The following AGRN variants were observed in gnomAD, a reference collection of about 807,000 sequenced individuals.
AGRN encodes agrin, also known as agrin proteoglycan.
A neutral mutation model predicts 211.0 loss-of-function variants in AGRN; 106 were observed. The observed-to-expected ratio is 0.50, with a 90% CI of 0.43 to 0.59. The LOEUF (loss-of-function observed/expected upper bound fraction) is 0.59, where lower values mean the gene tolerates loss of function less well. Among genes scored for constraint, AGRN ranks in the 20% least tolerant of loss-of-function variants. The pLI is 0.00. For synonymous variants in AGRN, 1,525 were observed against 1,332.5 expected, an observed-to-expected ratio of 1.14 and a Z score of -3.15; for missense variants, 3,040 against 2,982.6, an observed-to-expected ratio of 1.02 and a Z score of -0.45.
intron 34 of AGRN, 85 bp downstream of exon 34, chr1:1,054,062 C>G: frequency 1.4e-6 from 2 of 1,426,324 alleles, no homozygotes; most frequent in Non-Finnish European, 9.6e-7. Flanking sequence ...CACTTGTGAC[C>G]AGGGGTCAGG....
chr1:1,053,801 G>T lies in AGRN; in HGVS notation c.5700G>T (p.Glu1900Asp). The T allele has an allele frequency of 6.2e-7, 1 of 1,611,068 alleles. No individual in the cohort carries two copies. Among genetic ancestry groups the T allele is most frequent in the Non-Finnish European group, 8.5e-7 (1 of 1,179,304 alleles). ...SNHFELSLRT[E>D]ATQGLVLWSG... Reference sequence around the variant, plus strand: ...ACTTTGAACTGAGCCTGCGCACTGAGGCCACGCAGGGGCTGGTGCTCTGGA... The same window carrying T: ...ACTTTGAACTGAGCCTGCGCACTGATGCCACGCAGGGGCTGGTGCTCTGGA... Residue 1900 changes from glutamate to aspartate, a missense_variant, in exon 34 of 36, where the codon GAG becomes GAT. Transcript: ENST00000379370.
At chr1:1,033,475 C>T (rs1362492939) in intron 2 of AGRN, among the ~76,000 whole-genome samples, 5 of 151,624 alleles carry the variant, frequency 3.3e-5, no homozygotes, top group Non-Finnish European at 5.9e-5. Context: ...GCTCCTGCTC[C>T]CCAGGCGCTT....
intron 28 of AGRN, 22 bp from the exon 29 acceptor site, chr1:1,050,405 C>A (rs1250052251): frequency 2.5e-6 from 4 of 1,612,614 alleles, no homozygotes; most frequent in African/African-American, 2.7e-5. Context: ...AGCAAAGACA[C>A]CCCGACTCCC....
rs544603129 is a variant in AGRN at position 1,028,225 on chromosome 1, C to T, written c.463+5763C>T. On this transcript the variant is annotated intron_variant, in intron 2 of 35. Transcript: ENST00000379370. ...GCGGAAGAGAGGGCTGGGGCGCAGT[C>T]GTCAGCTGCCGTGACCCCACAGCTG... 2.8e-4 allele frequency among the ~76,000 whole-genome samples: 42 copies of T among 151,916 alleles called. No individual in the cohort carries two copies. The South Asian group carries it at 7.5e-3, about 27-fold the overall frequency.
chr1:1,045,483 C>G lies in AGRN; in HGVS notation c.2496C>G (p.Asn832Lys), dbSNP rs142252759. 5.3e-5 allele frequency: 86 copies of G among 1,613,000 alleles called. No homozygotes were observed. In the African/African-American group the frequency reaches 1.1e-3, roughly 20 times the overall value. The change falls in exon 14 of 36, where the codon AAC becomes AAG. Residue 832 changes from asparagine to lysine, a missense_variant. Transcript: ENST00000379370. Reference sequence around the variant, plus strand: ...ACCGCTGTGAGCCTGGCTTCTGGAACTTTCGAGGCATCGTCACCGATGGCC... The same window carrying G: ...ACCGCTGTGAGCCTGGCTTCTGGAAGTTTCGAGGCATCGTCACCGATGGCC... ...RCDRCEPGFW[N>K]FRGIVTDGRS...
chr1:1,049,961 G>C lies in AGRN; in HGVS notation c.4803G>C (p.Ala1601=). ...PCQPNPCHGA[A]PCRVLPEGGA... ...AGCCCAACCCCTGCCATGGGGCGGCGCCCTGCCGTGTGCTGCCCGAGGGTG... is the reference window on the plus strand; with the variant it reads ...AGCCCAACCCCTGCCATGGGGCGGCCCCCTGCCGTGTGCTGCCCGAGGGTG... The change falls in exon 27 of 36, where the codon GCG becomes GCC. Residue 1601 remains alanine (A), a synonymous_variant. Transcript: ENST00000379370. 1 of 1,612,032 alleles carries C rather than the reference G, an allele frequency of 6.2e-7. No individual in the cohort carries two copies.
In AGRN at chr1:1,050,520, C is replaced by T. The variant is rs17160776; in HGVS notation, c.5070C>T (p.Phe1690=). Reference sequence around the variant, plus strand: ...AGAAGACGGACGGCAAGGGGGACTTCGTGTCGCTGGCACTGCGGGACCGCC... The same window carrying T: ...AGAAGACGGACGGCAAGGGGGACTTTGTGTCGCTGGCACTGCGGGACCGCC... The part of the protein sequence containing the change: ...NGQKTDGKGD[F]VSLALRDRRL... The change falls in exon 29 of 36, where the codon TTC becomes TTT. Residue 1690 remains phenylalanine (F), a synonymous_variant. Transcript: ENST00000379370. The T allele has an allele frequency of 0.013, 21,248 of 1,612,818 alleles. 722 individuals carry two copies. In the African/African-American group the frequency reaches 0.13, roughly 10 times the overall value.
At chr1:1,025,415 G>C (rs1247253877) in intron 2 of AGRN, among the ~76,000 whole-genome samples, 1 of 152,172 alleles carries the variant, frequency 6.6e-6, no homozygotes, top group Non-Finnish European at 1.5e-5. Flanking sequence ...TGGGGTTGAG[G>C]GGCCCGACAG....
At position 1,044,135 on chromosome 1, in the gene AGRN, T is replaced by C. The variant is rs1351021282; in HGVS notation, c.2026T>C (p.Ser676Pro). The C allele has an allele frequency of 1.2e-6, 2 of 1,613,240 alleles. No homozygotes were observed. The highest frequency in any genetic ancestry group is 1.7e-5 in the Admixed American group (1 of 60,012). Residue 676 changes from serine (S) to proline (P), a missense_variant, in exon 11 of 36, where the codon TCT (serine) becomes CCT (proline). By Grantham distance (74) the Ser-to-Pro change is moderately conservative. Coordinates refer to ENST00000379370, the MANE Select transcript of AGRN (RefSeq NM_198576.4). ...CGAGTGCGGTTCCGGAGGCTCTGGC[T>C]CTGGGGAGGACGGTGACTGTGAGCA... ...QAECGSGGSG[S>P]GEDGDCEQEL... is the part of the protein sequence containing the mutation.
Position 1,048,407 on chromosome 1 carries a change from G to T in AGRN, c.4105+42G>T. The T allele has an allele frequency of 7.5e-7, 1 of 1,339,354 alleles. No individual in the cohort carries two copies. Among genetic ancestry groups the T allele is most frequent in the Non-Finnish European group, 1.0e-6 (1 of 1,004,120 alleles). The allele number at this position is 1,339,354 out of a possible 1,614,324, so 83.0% of individuals were successfully genotyped here. A position where few individuals can be genotyped will look rare whatever the true frequency, so the allele number is the denominator to read the frequency against. ...CAGAGGAGGGCGGGGAGGCAGCAGGGTGGGGGCAAGGATTGGGGGTGGGGC... is the reference window on the plus strand; with the variant it reads ...CAGAGGAGGGCGGGGAGGCAGCAGGTTGGGGGCAAGGATTGGGGGTGGGGC... On this transcript the variant is annotated intron_variant, in intron 23 of 35. Transcript: ENST00000379370. The surrounding 1 kb of genome is among the most constrained non-coding windows in gnomAD (Gnocchi z 5.9).
chr1:1,054,587 A>G (rs1162599321), intron 35 of AGRN, 36 bp downstream of exon 35: 3 of 1,557,246 alleles, frequency 1.9e-6, no homozygotes, highest in African/African-American at 1.4e-5. Flanking sequence ...GGGATGCCCA[A>G]GGGTCTCATG....
At chr1:1,035,656 T>TC (rs1454329715) in intron 3 of AGRN, among the ~76,000 whole-genome samples, 1 of 152,166 alleles carries the variant, frequency 6.6e-6, no homozygotes, top group Non-Finnish European at 1.5e-5. Flanking sequence ...GTCAGGGGGC[T>TC]CCGCTCTATT....
chr1:1,037,383 C>T (rs1019299329), intron 3 of AGRN, among the ~76,000 whole-genome samples: 1 of 152,190 alleles, frequency 6.6e-6, no homozygotes, highest in Admixed American at 6.5e-5. Flanking sequence ...GAGGGCTCCA[C>T]ACCAAGGCCA....
At chr1:1,021,375 G>A (rs1644398680) in intron 1 of AGRN, among the ~76,000 whole-genome samples, 1 of 152,254 alleles carries the variant, frequency 6.6e-6, no homozygotes, top group Non-Finnish European at 1.5e-5. Flanking sequence ...GGGGGGCGTG[G>A]AAGAGGCTCT....
chr1:1,040,750 G>A lies in AGRN; in HGVS notation c.597G>A (p.Lys199=), dbSNP rs772146272. The change falls in exon 4 of 36, where the codon AAG becomes AAA. Residue 199 remains lysine (K), a synonymous_variant. Coordinates refer to ENST00000379370, the MANE Select transcript of AGRN (RefSeq NM_198576.4). ...GCCGGGCGTCCTGCGTCTGCAAGAA[G>A]AGCCCGTGCCCCAGCGTGGTGGCGC... ...GPGRASCVCK[K]SPCPSVVAPV... 4 of 1,544,098 alleles carry A rather than the reference G, an allele frequency of 2.6e-6. No individual in the cohort carries two copies. The East Asian group carries it at 7.3e-5, about 28-fold the overall frequency.
At chr1:1,046,798 G>T (rs777796743) in intron 18 of AGRN, 22 bp from the exon 19 acceptor site, 1 of 1,575,824 alleles carries the variant, frequency 6.3e-7, no homozygotes, top group Non-Finnish European at 8.6e-7. Context: ...CCAGAGCCTG[G>T]GCTCAGAGCG....
intron 24 of AGRN, 46 bp from the exon 25 acceptor site, chr1:1,049,190 G>A: frequency 1.3e-6 from 2 of 1,487,136 alleles, no homozygotes; most frequent in Non-Finnish European, 1.8e-6. Flanking sequence ...AGGCGGGGTG[G>A]GGACGGGGCC....
Position 1,047,905 on chromosome 1 carries a change from A to G in AGRN, c.3751+10A>G. ...CGATTTATGGACTTTGGTGAGCGCC[A>G]GGCCACGAGCCACAGCTTACCTGCC... On this transcript the variant is annotated intron_variant, in intron 22 of 35. Transcript: ENST00000379370. 6.3e-7 allele frequency: 1 copy of G among 1,598,954 alleles called. No homozygotes were observed. Among genetic ancestry groups the G allele is most frequent in the Non-Finnish European group, 8.5e-7 (1 of 1,174,144 alleles).
chr1:1,043,313 G>C lies in AGRN; in HGVS notation c.1459G>C (p.Ala487Pro). ...ATCAVKNGQA[A>P]CECLQACSSL... ...GTGTGCTGTGAAGAACGGGCAGGCA[G>C]CGTGTGAATGCCTGCAGGCGTGCTC... Residue 487 changes from alanine to proline, a missense_variant, in exon 8 of 36, where the codon GCG becomes CCG. This residue lies in a region of AGRN where 1,498 missense variants were observed against 1,457.8 expected (regional missense o/e 1.03). Coordinates refer to ENST00000379370, the MANE Select transcript of AGRN (RefSeq NM_198576.4). 3 of 1,611,070 alleles carry C rather than the reference G, an allele frequency of 1.9e-6. No homozygotes were observed. Among genetic ancestry groups the C allele is most frequent in the East Asian group, 2.2e-5 (1 of 44,716 alleles).
Sources: allele counts gnomAD v4.1 joint callset (sites outside exome capture counted in the v4.1 genomes callset), GRCh38; gene constraint gnomAD v4.1.1; regional missense constraint gnomAD v4.1.1; non-coding constraint Gnocchi (gnomAD v3.1); transcripts MANE v1.5; gene names NCBI Gene and HGNC (gene_info 2026-07-23, HGNC 2026-07-21).